The following PAWR variants were observed in gnomAD, a reference collection of about 807,000 sequenced individuals.
The protein encoded by PAWR is PRKC apoptosis WT1 regulator protein.
PAWR carries 23 observed loss-of-function variants against 32.0 expected under a neutral mutation model. The observed-to-expected ratio is 0.72, with a 90% CI of 0.52 to 1.02. The LOEUF (loss-of-function observed/expected upper bound fraction) is 1.02. Ranked by LOEUF, PAWR falls within the 50% of genes least tolerant of loss-of-function variation. The probability of loss-of-function intolerance (pLI) is 0.00; values close to 1 mark genes in which losing one functional copy is unlikely to be tolerated. For missense variants in PAWR, 457 were observed against 437.7 expected, an observed-to-expected ratio of 1.04 and a Z score of -0.39; for synonymous variants, 226 against 187.1, an observed-to-expected ratio of 1.21 and a Z score of -1.70.
At chr12:79,610,672 T>C (rs1037783318) in intron 4 of PAWR, among the ~76,000 whole-genome samples, 3 of 151,622 alleles carry the variant, frequency 2.0e-5, no homozygotes, top group East Asian at 3.9e-4. Context: ...ATGCCTCTAA[T>C]CTCAGTACTT....
chr12:79,653,288 G>A (rs1350812891), intron 2 of PAWR, among the ~76,000 whole-genome samples: 1 of 152,102 alleles, frequency 6.6e-6, no homozygotes, highest in African/African-American at 2.4e-5. Flanking sequence ...CACCGGCCTT[G>A]GCTTCCCAAA....
intron 4 of PAWR, among the ~76,000 whole-genome samples, chr12:79,611,356 A>C (rs184157825): frequency 6.7e-6 from 1 of 148,932 alleles, no homozygotes; most frequent in African/African-American, 2.4e-5. Flanking sequence ...TATATATATA[A>C]AAAATAAGTT....
At chr12:79,665,266 C>T (rs926255750) in intron 2 of PAWR, among the ~76,000 whole-genome samples, 1 of 152,156 alleles carries the variant, frequency 6.6e-6, no homozygotes, top group African/African-American at 2.4e-5. Context: ...CTATTAAGTT[C>T]CAATCTCTAA....
At position 79,605,620 on chromosome 12, in the gene PAWR, G is replaced by A. The variant is rs8176892; in HGVS notation, c.683+7955C>T. Among the ~76,000 whole-genome samples, 749 of 151,872 alleles carry A rather than the reference G, an allele frequency of 4.9e-3. 7 individuals carry two copies. The highest frequency in any genetic ancestry group is 0.017 in the African/African-American group (708 of 41,396). On this transcript the variant is annotated intron_variant, in intron 4 of 6. Coordinates refer to ENST00000328827, the MANE Select transcript of PAWR (RefSeq NM_002583.4). Reference sequence around the variant, plus strand: ...AAACTTGTACATGAATGTTCACAGCGTATTGCCTATTATATGTATAATATT... The same window carrying A: ...AAACTTGTACATGAATGTTCACAGCATATTGCCTATTATATGTATAATATT...
chr12:79,599,403 G>C (rs935343954), intron 4 of PAWR, among the ~76,000 whole-genome samples: 8 of 152,308 alleles, frequency 5.3e-5, no homozygotes, highest in Admixed American at 1.3e-4. Flanking sequence ...GGCAAAGCAA[G>C]ACTTTCTCAA....
At chr12:79,634,220 G>A (rs1875852035) in intron 2 of PAWR, among the ~76,000 whole-genome samples, 1 of 151,944 alleles carries the variant, frequency 6.6e-6, no homozygotes, top group Non-Finnish European at 1.5e-5. Context: ...AAATAATGTT[G>A]GGAAATGCTT....
intron 2 of PAWR, among the ~76,000 whole-genome samples, chr12:79,646,455 ATAC>A (rs1208520222): frequency 6.6e-6 from 1 of 152,240 alleles, no homozygotes; most frequent in African/African-American, 2.4e-5. Flanking sequence ...TACATACAAA[ATAC>A]TGGCATTTCC....
chr12:79,658,683 A>T (rs868602573), intron 2 of PAWR, among the ~76,000 whole-genome samples: 1 of 152,182 alleles, frequency 6.6e-6, no homozygotes. Context: ...TTAAGTTTAC[A>T]GATTCAGTTG....
chr12:79,658,987 A>C (rs1877222539), intron 2 of PAWR, among the ~76,000 whole-genome samples: 1 of 151,836 alleles, frequency 6.6e-6, no homozygotes, highest in African/African-American at 2.4e-5. Context: ...AAAAAAAAAA[A>C]AGAAAAAGAA....
At chr12:79,632,759 T>C (rs1592517015) in intron 2 of PAWR, among the ~76,000 whole-genome samples, 1 of 152,054 alleles carries the variant, frequency 6.6e-6, no homozygotes, top group Non-Finnish European at 1.5e-5. Context: ...AACAAATAGA[T>C]ATCCATATAT....
In PAWR at chr12:79,635,235, A is replaced by G. The variant is rs769495926; in HGVS notation, c.517-14028T>C. Among the ~76,000 whole-genome samples, 51 of 152,072 alleles carry G rather than the reference A, an allele frequency of 3.4e-4. 1 individual carries two copies. The highest frequency in any genetic ancestry group is 6.2e-4 in the Non-Finnish European group (42 of 67,994). ...TTCCCCTCATAGCTTGGGACCTGGT[A>G]GTAGGGTTAGTATCTTCTCCAAGTA... On this transcript the variant is annotated intron_variant, in intron 2 of 6. Coordinates refer to ENST00000328827, the MANE Select transcript of PAWR (RefSeq NM_002583.4).
chr12:79,687,389 A>G (rs1878732592), intron 2 of PAWR, among the ~76,000 whole-genome samples: 1 of 152,340 alleles, frequency 6.6e-6, no homozygotes, highest in East Asian at 1.9e-4. Context: ...CAGATGTTTC[A>G]TAAGTACTTC....
intron 2 of PAWR, among the ~76,000 whole-genome samples, chr12:79,654,777 C>T (rs1241665696): frequency 6.6e-6 from 1 of 152,114 alleles, no homozygotes; most frequent in Admixed American, 6.6e-5. Context: ...CATCAGATCT[C>T]GTGAGAATTC....
chr12:79,690,342 G>A lies in PAWR; in HGVS notation c.-98C>T, dbSNP rs902960572. ...TCCTGCGGCCCCGAGGATGCCAGGA[G>A]ACGACCTCCAGGAGAGGGACGGCCG... On this transcript the variant is annotated 5_prime_UTR_variant, in exon 2 of 7. Transcript: ENST00000328827. 49 of 1,360,032 alleles carry A rather than the reference G, an allele frequency of 3.6e-5. No individual in the cohort carries two copies. Among genetic ancestry groups the A allele is most frequent in the African/African-American group, 4.6e-5 (3 of 65,196 alleles). 84.2% of individuals were successfully genotyped at this position (1,360,032 alleles called of 1,614,324 possible). A position where few individuals can be genotyped will look rare whatever the true frequency, so the allele number is the denominator to read the frequency against.
intron 4 of PAWR, among the ~76,000 whole-genome samples, chr12:79,608,022 C>G (rs945615785): frequency 1.3e-5 from 2 of 149,324 alleles, no homozygotes; most frequent in Non-Finnish European, 3.0e-5. Flanking sequence ...GCACTCCAGC[C>G]TGGGCGACAA....
intron 2 of PAWR, among the ~76,000 whole-genome samples, chr12:79,651,805 C>A (rs73345519): frequency 6.6e-6 from 1 of 151,918 alleles, no homozygotes; most frequent in Non-Finnish European, 1.5e-5. Flanking sequence ...TAGAAGGCAA[C>A]GGTACAATCA....
chr12:79,619,625 A>G (rs1874905947), intron 3 of PAWR, among the ~76,000 whole-genome samples: 1 of 152,206 alleles, frequency 6.6e-6, no homozygotes. Context: ...CTGCTATACT[A>G]GTATCATTGA....
chr12:79,637,793 A>G (rs914317709), intron 2 of PAWR, among the ~76,000 whole-genome samples: 6 of 152,138 alleles, frequency 3.9e-5, no homozygotes, highest in Non-Finnish European at 7.4e-5. Context: ...ACAAATTTTC[A>G]AAACTATTAA....
intron 3 of PAWR, among the ~76,000 whole-genome samples, chr12:79,617,901 T>TG (rs1479902079): frequency 6.6e-6 from 1 of 152,168 alleles, no homozygotes. Context: ...CTCTCGCTCC[T>TG]GCTCCTATCA....
Sources: gnomAD v4.1 joint callset for allele counts (sites outside exome capture counted in the v4.1 genomes callset) on GRCh38, gnomAD v4.1.1 for gene constraint, MANE v1.5 for transcripts, NCBI Gene and HGNC (gene_info 2026-07-23, HGNC 2026-07-21) for gene names.